NALCN: variants seen among roughly 807,000 people sequenced by gnomAD.
The protein encoded by NALCN is sodium leak channel, non-selective.
NALCN carries 111 observed loss-of-function variants against 225.3 expected under a neutral mutation model. The observed-to-expected ratio is 0.49, with a 90% CI of 0.42 to 0.58. NALCN has a LOEUF of 0.58. Ranked by LOEUF, NALCN falls within the 20% of genes least tolerant of loss-of-function variation. NALCN has a pLI of 0.00. For synonymous variants in NALCN, 764 were observed against 769.0 expected (o/e 0.99, Z 0.11); for missense variants, 1,378 against 2,202.4 (o/e 0.63, Z 7.49).
chr13:101,400,583 A>ACG (rs1566655149), intron 1 of NALCN, among the ~76,000 whole-genome samples: 14 of 139,632 alleles, frequency 1.0e-4, no homozygotes, highest in Admixed American at 9.5e-4. Flanking sequence ...GTGTGTGTGC[A>ACG]CGTGTGTGCG....
chr13:101,219,379 C>T (rs2040854477), intron 13 of NALCN, among the ~76,000 whole-genome samples: 2 of 152,134 alleles, frequency 1.3e-5, no homozygotes, highest in Admixed American at 6.5e-5. Flanking sequence ...AGGAATCCGG[C>T]ATGCTGAGCC....
At chr13:101,171,552 G>T (rs1368409231) in intron 15 of NALCN, among the ~76,000 whole-genome samples, 1 of 152,064 alleles carries the variant, frequency 6.6e-6, no homozygotes, top group East Asian at 1.9e-4. Context: ...GCTATGAAAA[G>T]ATTACGCTGC....
chr13:101,153,695 T>TG (rs2037764279), intron 15 of NALCN, among the ~76,000 whole-genome samples: 1 of 152,140 alleles, frequency 6.6e-6, no homozygotes, highest in African/African-American at 2.4e-5. Context: ...CTGAATCCAA[T>TG]GGTCAATTGG....
At chr13:101,338,962 G>A (rs928724883) in intron 7 of NALCN, among the ~76,000 whole-genome samples, 1 of 152,148 alleles carries the variant, frequency 6.6e-6, no homozygotes, top group Admixed American at 6.5e-5. Flanking sequence ...ACCTGTGTGG[G>A]TAAAATGTAT....
At chr13:101,364,241 A>C (rs1300398415) in intron 6 of NALCN, among the ~76,000 whole-genome samples, 1 of 152,122 alleles carries the variant, frequency 6.6e-6, no homozygotes, top group African/African-American at 2.4e-5. Flanking sequence ...AAAGGGAGGA[A>C]ATCTATATAT....
rs1404385112 is a variant in NALCN, at chr13:101,237,124, C to A, written c.1434+631G>T. On this transcript the variant is annotated intron_variant, in intron 12 of 43. Transcript: ENST00000251127. ...TATTCAATAATAACAAAGAATGTAA[C>A]TAATAATTACTGTTTATTGCATAAT... 2.0e-5 allele frequency among the ~76,000 whole-genome samples: 3 copies of A among 151,774 alleles called. No individual in the cohort carries two copies. In the East Asian group the frequency reaches 5.8e-4, roughly 29 times the overall value.
intron 14 of NALCN, among the ~76,000 whole-genome samples, chr13:101,182,205 C>G (rs547021930): frequency 7.0e-6 from 1 of 142,596 alleles, no homozygotes; most frequent in Non-Finnish European, 1.5e-5. Flanking sequence ...CTGGTATATA[C>G]TTTTTCCTTG....
intron 13 of NALCN, among the ~76,000 whole-genome samples, chr13:101,220,507 TTAC>T (rs1211209519): frequency 2.0e-5 from 3 of 152,238 alleles, no homozygotes; most frequent in African/African-American, 7.2e-5. Context: ...TAAAATTTTA[TTAC>T]TCTTCATGGA....
intron 6 of NALCN, among the ~76,000 whole-genome samples, chr13:101,365,811 T>A (rs2046363548): frequency 6.6e-6 from 1 of 152,146 alleles, no homozygotes; most frequent in Non-Finnish European, 1.5e-5. Flanking sequence ...AAGCTAGTGG[T>A]CCAGCCATCG....
intron 12 of NALCN, among the ~76,000 whole-genome samples, chr13:101,231,996 T>C (rs2041365586): frequency 7.1e-6 from 1 of 140,840 alleles, no homozygotes; most frequent in African/African-American, 2.8e-5. Context: ...ATGTTCTATT[T>C]CTTTTTTTTT....
At position 101,237,857 on chromosome 13, in the gene NALCN, T is replaced by C; in HGVS notation, c.1332A>G (p.Gly444=). 1 of 1,605,908 alleles carries C rather than the reference T, an allele frequency of 6.2e-7. No homozygotes were observed. The highest frequency in any genetic ancestry group is 2.3e-5 in the East Asian group (1 of 44,184). The change falls in exon 12 of 44, where the codon GGA becomes GGG. Residue 444 remains glycine, a synonymous_variant. Transcript: ENST00000251127. ...ATTTGTGGAGAGATGAGCTAATATATCCAGTAAATCCCAAACACCATATCT... is the reference window on the plus strand; with the variant it reads ...ATTTGTGGAGAGATGAGCTAATATACCCAGTAAATCCCAAACACCATATCT... ...LLKIWCLGFT[G]YISSSLHKFE... is the part of the protein sequence containing the mutation.
At chr13:101,181,270 G>A (rs1566393579) in intron 14 of NALCN, 1 of 518,976 alleles carries the variant, frequency 1.9e-6, no homozygotes, top group Non-Finnish European at 3.8e-6. Flanking sequence ...AGGGTTTGGA[G>A]GCTGGAGAGG....
intron 3 of NALCN, among the ~76,000 whole-genome samples, chr13:101,386,031 T>C (rs768585381): frequency 3.9e-5 from 6 of 152,210 alleles, no homozygotes; most frequent in Non-Finnish European, 7.3e-5. Flanking sequence ...GGTACTTTAA[T>C]GTATTTTTTA....
chr13:101,367,090 T>C (rs1417704700), intron 6 of NALCN, among the ~76,000 whole-genome samples: 2 of 152,162 alleles, frequency 1.3e-5, no homozygotes, highest in Non-Finnish European at 2.9e-5. Flanking sequence ...GATTCATTCC[T>C]GTTATTCCAA....
intron 14 of NALCN, chr13:101,180,935 A>T: frequency 2.4e-6 from 1 of 413,826 alleles, no homozygotes; most frequent in Non-Finnish European, 4.7e-6. Flanking sequence ...AGAAAATTGG[A>T]GAGCGGATGG....
chr13:101,248,668 C>G (rs557278441), intron 11 of NALCN, among the ~76,000 whole-genome samples: 1 of 152,302 alleles, frequency 6.6e-6, no homozygotes, highest in Admixed American at 6.5e-5. Flanking sequence ...CATCCATGTG[C>G]TGAGAGGGTG....
At chr13:101,121,188 C>G (rs2035956229) in intron 18 of NALCN, among the ~76,000 whole-genome samples, 1 of 152,032 alleles carries the variant, frequency 6.6e-6, no homozygotes, top group African/African-American at 2.4e-5. Context: ...AGTCCAGTAT[C>G]CTACATTAGA....
At chr13:101,414,680 AT>A (rs1424172823) in intron 1 of NALCN, among the ~76,000 whole-genome samples, 1 of 152,136 alleles carries the variant, frequency 6.6e-6, no homozygotes, top group East Asian at 1.9e-4. Context: ...TTTTAAGTAC[AT>A]TTTTTAAGTA....
chr13:101,201,167 A>G (rs960467164), intron 13 of NALCN, among the ~76,000 whole-genome samples: 4 of 152,128 alleles, frequency 2.6e-5, no homozygotes, highest in Non-Finnish European at 5.9e-5. Context: ...TTTGACTTTT[A>G]AAAGAAATAG....
Sources: allele counts gnomAD v4.1 joint callset (sites outside exome capture counted in the v4.1 genomes callset), GRCh38; gene constraint gnomAD v4.1.1; transcripts MANE v1.5; gene names NCBI Gene and HGNC (gene_info 2026-07-23, HGNC 2026-07-21).